The following TXNRD3 variants were observed in gnomAD, a reference collection of about 807,000 sequenced individuals.
TXNRD3 encodes thioredoxin reductase 3, also known as TXNRD3 neighbor gene protein.
In TXNRD3, 68 loss-of-function variants were observed where a neutral mutation model predicts 78.2. The ratio of observed to expected loss-of-function variants is 0.87; its 90% CI spans 0.72 to 1.06. The LOEUF (loss-of-function observed/expected upper bound fraction) is 1.06, where lower values mean the gene tolerates loss of function less well. Ranked by LOEUF, TXNRD3 falls within the 50% of genes least tolerant of loss-of-function variation. The pLI is 0.00. For synonymous variants in TXNRD3, 296 were observed against 300.1 expected (o/e 0.99, Z 0.14); for missense variants, 751 against 809.5 (o/e 0.93, Z 0.88).
At chr3:126,618,499 G>T (rs1270174679) in intron 12 of TXNRD3, among the ~76,000 whole-genome samples, 1 of 152,022 alleles carries the variant, frequency 6.6e-6, no homozygotes, top group Non-Finnish European at 1.5e-5. Flanking sequence ...AATGGTAGTG[G>T]GAAAACAGTA....
rs370946777 is a variant in TXNRD3, at chr3:126,620,048, C to A, written c.1524+1694G>T. Among the ~76,000 whole-genome samples the A allele has an allele frequency of 4.6e-5, 7 of 152,282 alleles. 1 individual carries two copies. The highest frequency in any genetic ancestry group is 1.3e-4 in the Admixed American group (2 of 15,296). The stretch of plus-strand genomic sequence containing the variant: ...CGGTGGCTCATGCCTGTAATCCCAG[C>A]ACTTTGGGAGGCTGAGGCAGGCGGA... On this transcript the variant is annotated intron_variant, in intron 12 of 15. Coordinates refer to ENST00000524230, the MANE Select transcript of TXNRD3 (RefSeq NM_052883.3).
chr3:126,635,561 T>C (rs929346621), intron 6 of TXNRD3, among the ~76,000 whole-genome samples: 1 of 152,198 alleles, frequency 6.6e-6, no homozygotes. Flanking sequence ...TTTTCACATA[T>C]GTATTTTTCA....
At chr3:126,648,943 G>A (rs562268803) in intron 1 of TXNRD3, among the ~76,000 whole-genome samples, 24 of 152,242 alleles carry the variant, frequency 1.6e-4, no homozygotes, top group African/African-American at 5.5e-4. Flanking sequence ...GTTTGGGGCT[G>A]TAGTGCATTT....
Position 126,654,976 on chromosome 3 carries a change from C to A in TXNRD3, c.15G>T (p.Pro5=). The A allele has an allele frequency of 1.5e-6, 2 of 1,300,916 alleles. No individual in the cohort carries two copies. Among genetic ancestry groups the A allele is most frequent in the Non-Finnish European group, 1.9e-6 (2 of 1,029,114 alleles). The allele number at this position is 1,300,916 out of a possible 1,614,324, so 80.6% of individuals were successfully genotyped here. A position where few individuals can be genotyped will look rare whatever the true frequency, so the allele number is the denominator to read the frequency against. The stretch of plus-strand genomic sequence containing the variant: ...CCTTTCCCGGCCCGGGCGACTGCGG[C>A]GGCGACCGCTCCAGAGTCTCGCTCT... The change falls in exon 1 of 16, where the codon CCG becomes CCT. Residue 5 remains proline, a synonymous_variant. Transcript: ENST00000524230.
chr3:126,620,900 C>T (rs1388544066), intron 12 of TXNRD3, among the ~76,000 whole-genome samples: 1 of 152,180 alleles, frequency 6.6e-6, no homozygotes, highest in African/African-American at 2.4e-5. Context: ...ACTCAGCATT[C>T]CTGACCCCAC....
At chr3:126,613,993 G>A (rs2107610176) in intron 13 of TXNRD3, among the ~76,000 whole-genome samples, 1 of 152,292 alleles carries the variant, frequency 6.6e-6, no homozygotes. Context: ...TACTACCCCT[G>A]GGACAGGATG....
At chr3:126,611,342 T>C (rs1938195299) in intron 13 of TXNRD3, among the ~76,000 whole-genome samples, 1 of 152,188 alleles carries the variant, frequency 6.6e-6, no homozygotes, top group African/African-American at 2.4e-5. Context: ...TTGTTTTGCT[T>C]GTTTGGCTGT....
Position 126,634,031 on chromosome 3 carries a change from T to C in TXNRD3, c.733A>G (p.Met245Val), listed in dbSNP as rs891810010. 9 of 1,514,800 alleles carry C rather than the reference T, an allele frequency of 5.9e-6. No individual in the cohort carries two copies. The highest frequency in any genetic ancestry group is 2.8e-5 in the African/African-American group (2 of 72,366). The allele number at this position is 1,514,800 out of a possible 1,614,324, so 93.8% of individuals were successfully genotyped here. ...ATGTGGTTCTGAATCGCTTTTGTCA[T>C]TGTCTCCCAGTTGTGCCTCACTAAG... Residue 245 changes from methionine (M) to valine (V), a missense_variant, in exon 7 of 16, where the codon ATG becomes GTG. By Grantham distance (21) the Met-to-Val change is conservative. Coordinates refer to ENST00000524230, the MANE Select transcript of TXNRD3 (RefSeq NM_052883.3).
In TXNRD3 at chr3:126,641,649, C is replaced by A. The variant is rs573205501; in HGVS notation, c.712+383G>T. ...CAATACATGTTTACTAGATGAATTTCTTTTCCACTTTTCATTAACCAAAGA... is the reference window on the plus strand; with the variant it reads ...CAATACATGTTTACTAGATGAATTTATTTTCCACTTTTCATTAACCAAAGA... On this transcript the variant is annotated intron_variant, in intron 6 of 15. Coordinates refer to ENST00000524230, the MANE Select transcript of TXNRD3 (RefSeq NM_052883.3). 1.2e-3 allele frequency among the ~76,000 whole-genome samples: 180 copies of A among 152,306 alleles called. 2 individuals carry two copies. The highest frequency in any genetic ancestry group is 8.4e-4 in the Non-Finnish European group (57 of 68,034).
intron 13 of TXNRD3, among the ~76,000 whole-genome samples, chr3:126,613,852 A>T (rs149695843): frequency 7.1e-4 from 108 of 152,398 alleles, no homozygotes; most frequent in African/African-American, 2.6e-3. Flanking sequence ...ATTATACCAT[A>T]CATTCTACTA....
At chr3:126,631,180 T>A (rs969814675) in intron 8 of TXNRD3, among the ~76,000 whole-genome samples, 2 of 147,728 alleles carry the variant, frequency 1.4e-5, no homozygotes, top group African/African-American at 5.0e-5. Flanking sequence ...GTATAGAAAA[T>A]ATCAGACTAC....
intron 5 of TXNRD3, among the ~76,000 whole-genome samples, chr3:126,642,787 T>C (rs1933125707): frequency 6.6e-6 from 1 of 152,208 alleles, no homozygotes; most frequent in African/African-American, 2.4e-5. Flanking sequence ...GATTAGCTTT[T>C]GTACATAAAA....
chr3:126,653,743 C>T (rs1033725485), intron 1 of TXNRD3, among the ~76,000 whole-genome samples: 2 of 152,156 alleles, frequency 1.3e-5, no homozygotes, highest in Non-Finnish European at 2.9e-5. Context: ...CTGGGAGTTA[C>T]GTGCAAGAAT....
chr3:126,644,975 T>C (rs1376545136), intron 3 of TXNRD3, among the ~76,000 whole-genome samples: 1 of 152,208 alleles, frequency 6.6e-6, no homozygotes, highest in African/African-American at 2.4e-5. Flanking sequence ...TGATCAGAAG[T>C]AGCTTAGATG....
intron 6 of TXNRD3, among the ~76,000 whole-genome samples, chr3:126,637,161 T>C (rs951281318): frequency 6.6e-6 from 1 of 152,204 alleles, no homozygotes; most frequent in Non-Finnish European, 1.5e-5. Context: ...TCAAGTCAAT[T>C]CTGGTCATTT....
At chr3:126,613,010 T>C (rs1293586256) in intron 13 of TXNRD3, among the ~76,000 whole-genome samples, 1 of 152,236 alleles carries the variant, frequency 6.6e-6, no homozygotes, top group Non-Finnish European at 1.5e-5. Context: ...CTGTAAGCAC[T>C]GCAGCCATGT....
At chr3:126,615,295 CA>C in intron 13 of TXNRD3, 59 bp downstream of exon 13, 1 of 763,954 alleles carries the variant, frequency 1.3e-6, no homozygotes. Flanking sequence ...AAAGTGACCG[CA>C]AAGATAAATT....
At position 126,633,959 on chromosome 3, in the gene TXNRD3, C is replaced by T. The variant is rs545648523; in HGVS notation, c.805G>A (p.Val269Met). The change falls in exon 7 of 16, where the codon GTG becomes ATG. Residue 269 changes from valine (V) to methionine (M), a missense_variant. Coordinates refer to ENST00000524230, the MANE Select transcript of TXNRD3 (RefSeq NM_052883.3). The stretch of plus-strand genomic sequence containing the variant: ...TCTCCATAGGAATTGACATAGGCCA[C>T]AGCCTTTTCCCTCAGAGACAACCTG... The T allele has an allele frequency of 7.2e-6, 11 of 1,520,336 alleles. No homozygotes were observed. The South Asian group carries it at 1.2e-4, about 17-fold the overall frequency. The allele number at this position is 1,520,336 out of a possible 1,614,324, so 94.2% of individuals were successfully genotyped here. A position where few individuals can be genotyped will look rare whatever the true frequency, so the allele number is the denominator to read the frequency against.
chr3:126,621,397 C>G (rs1455982628), intron 12 of TXNRD3, among the ~76,000 whole-genome samples: 1 of 152,184 alleles, frequency 6.6e-6, no homozygotes, highest in Non-Finnish European at 1.5e-5. Context: ...TAGAATTAAA[C>G]ATCCCTTCAG....
Sources: allele counts gnomAD v4.1 joint callset (sites outside exome capture counted in the v4.1 genomes callset), GRCh38; gene constraint gnomAD v4.1.1; transcripts MANE v1.5; gene names NCBI Gene and HGNC (gene_info 2026-07-23, HGNC 2026-07-21).